SMPD3: variants seen among roughly 807,000 people sequenced by gnomAD.
SMPD3 encodes the protein nSMase-2.
Under a neutral mutation model 55.7 loss-of-function variants are expected in SMPD3, and 21 were observed. That is an observed-to-expected ratio of 0.38 (90% CI 0.27 to 0.54). SMPD3 has a LOEUF of 0.54. Ranked by LOEUF, SMPD3 falls within the 20% of genes least tolerant of loss-of-function variation. The pLI is 0.80. For missense variants in SMPD3, 842 were observed against 899.6 expected (o/e 0.94, Z 0.82); for synonymous variants, 457 against 404.3 (o/e 1.13, Z -1.56).
Position 68,378,329 on chromosome 16 carries a change from G to A in SMPD3, c.-206-5942C>T, listed in dbSNP as rs542334720. Among the ~76,000 whole-genome samples the A allele has an allele frequency of 1.4e-4, 22 of 152,312 alleles. No individual in the cohort carries two copies. In the South Asian group the frequency reaches 1.9e-3, roughly 13 times the overall value. On this transcript the variant is annotated intron_variant, in intron 2 of 8. Transcript: ENST00000219334. Reference sequence around the variant, plus strand: ...GAGCTGCTGAAACTTAAGTCAACTCGTGGCTGGGAGGACAGAAAGACAGAA... The same window carrying A: ...GAGCTGCTGAAACTTAAGTCAACTCATGGCTGGGAGGACAGAAAGACAGAA...
intron 2 of SMPD3, among the ~76,000 whole-genome samples, chr16:68,374,847 T>C (rs1000879869): frequency 3.3e-5 from 5 of 152,094 alleles, no homozygotes; most frequent in Admixed American, 6.6e-5. Context: ...GTGGACCAGC[T>C]GGGGCCAGAG....
intron 7 of SMPD3, among the ~76,000 whole-genome samples, chr16:68,362,187 T>C (rs967979796): frequency 4.6e-5 from 7 of 152,184 alleles, no homozygotes; most frequent in Non-Finnish European, 8.8e-5. Flanking sequence ...GGAGAGCACC[T>C]CTGAGGAGTC....
intron 7 of SMPD3, among the ~76,000 whole-genome samples, chr16:68,362,254 A>G (rs1279280875): frequency 1.3e-5 from 2 of 152,180 alleles, no homozygotes; most frequent in Admixed American, 1.3e-4. Context: ...CCAAGCCTCC[A>G]AGCCTCTGTT....
At chr16:68,392,128 G>A (rs2090116756) in intron 1 of SMPD3, among the ~76,000 whole-genome samples, 1 of 152,176 alleles carries the variant, frequency 6.6e-6, no homozygotes, top group African/African-American at 2.4e-5. Context: ...CTGACCTCAG[G>A]TGATCTGCCC....
chr16:68,398,258 T>A (rs1024718511), intron 1 of SMPD3, among the ~76,000 whole-genome samples: 2 of 152,268 alleles, frequency 1.3e-5, no homozygotes, highest in East Asian at 1.9e-4. Context: ...AGGGAGGAAG[T>A]TCACAGAAAA....
intron 2 of SMPD3, among the ~76,000 whole-genome samples, chr16:68,384,817 A>G (rs2090023152): frequency 6.6e-6 from 1 of 152,076 alleles, no homozygotes; most frequent in Non-Finnish European, 1.5e-5. Context: ...TAGGAAGGTA[A>G]TAGGAACCCC....
intron 1 of SMPD3, among the ~76,000 whole-genome samples, chr16:68,418,281 T>C (rs2090355365): frequency 6.6e-6 from 1 of 150,970 alleles, no homozygotes; most frequent in African/African-American, 2.4e-5. Flanking sequence ...GGTAGATACA[T>C]GACTCAAATA....
At chr16:68,412,675 G>T (rs2090311054) in intron 1 of SMPD3, among the ~76,000 whole-genome samples, 3 of 152,028 alleles carry the variant, frequency 2.0e-5, no homozygotes, top group African/African-American at 7.3e-5. Context: ...TCTTGAATGT[G>T]CGAGATCATC....
chr16:68,362,195 G>A (rs1450416407), intron 7 of SMPD3, among the ~76,000 whole-genome samples: 2 of 152,194 alleles, frequency 1.3e-5, no homozygotes, highest in East Asian at 3.9e-4. Context: ...CCTCTGAGGA[G>A]TCTCAAATGG....
chr16:68,405,239 C>T (rs2090243910), intron 1 of SMPD3, among the ~76,000 whole-genome samples: 1 of 152,034 alleles, frequency 6.6e-6, no homozygotes, highest in South Asian at 2.1e-4. Context: ...TGCCAGATTC[C>T]TTGGCAGGTT....
chr16:68,394,136 T>C (rs1370583627), intron 1 of SMPD3, among the ~76,000 whole-genome samples: 2 of 152,210 alleles, frequency 1.3e-5, no homozygotes, highest in African/African-American at 2.4e-5. Context: ...AGCTGTTTTT[T>C]CATTTCTGGA....
intron 6 of SMPD3, 77 bp from the exon 7 acceptor site, chr16:68,363,636 G>A: frequency 6.8e-7 from 1 of 1,474,000 alleles, no homozygotes; most frequent in East Asian, 2.3e-5. Context: ...CTCTGTGGGT[G>A]GACACGGGCT....
intron 1 of SMPD3, among the ~76,000 whole-genome samples, chr16:68,440,096 A>C (rs2090554358): frequency 6.6e-6 from 1 of 152,206 alleles, no homozygotes. Flanking sequence ...AATCAGGTGA[A>C]ACTGTCCTTT....
At chr16:68,365,177 T>G in intron 3 of SMPD3, 85 bp from the exon 4 acceptor site, 1 of 1,389,038 alleles carries the variant, frequency 7.2e-7, no homozygotes, top group Non-Finnish European at 1.0e-6. Flanking sequence ...CACCCACCCA[T>G]GAGGTCAGAC....
chr16:68,418,416 C>G (rs1172030005), intron 1 of SMPD3, among the ~76,000 whole-genome samples: 4 of 150,706 alleles, frequency 2.7e-5, no homozygotes, highest in Non-Finnish European at 5.9e-5. Context: ...AGTAATTTAA[C>G]CAAGACGATG....
At chr16:68,395,493 C>T (rs1241066924) in intron 1 of SMPD3, among the ~76,000 whole-genome samples, 4 of 152,214 alleles carry the variant, frequency 2.6e-5, no homozygotes, top group African/African-American at 9.6e-5. Context: ...GGGTTTAAAG[C>T]GTGCCCTCTG....
rs1044119242 is a variant in SMPD3, at chr16:68,363,862, G to A, written c.1560C>T (p.Asp520=). ...DFNFDNCSSD[D]KLEQQHSLFT... ...ACAGGGAGTGTTGCTGCTCCAGCTT[G>A]TCGTCTGTGCGGGGAGGGAGGAAAC... Residue 520 remains aspartate (D), a synonymous_variant, in exon 6 of 9, where the codon GAC becomes GAT. Coordinates refer to ENST00000219334, the MANE Select transcript of SMPD3 (RefSeq NM_018667.4). 1.9e-6 allele frequency: 3 copies of A among 1,561,532 alleles called. No individual in the cohort carries two copies. The highest frequency in any genetic ancestry group is 3.8e-5 in the Admixed American group (2 of 52,266).
intron 1 of SMPD3, among the ~76,000 whole-genome samples, chr16:68,403,788 G>T (rs943331498): frequency 6.6e-6 from 1 of 152,182 alleles, no homozygotes; most frequent in Non-Finnish European, 1.5e-5. Flanking sequence ...GGCCTCATGC[G>T]TTGAAGAATA....
chr16:68,421,186 C>A (rs1314081028), intron 1 of SMPD3, among the ~76,000 whole-genome samples: 1 of 152,148 alleles, frequency 6.6e-6, no homozygotes, highest in Non-Finnish European at 1.5e-5. Context: ...ACACAGGGGC[C>A]CCTGGAGTCA....
Sources: gnomAD v4.1 joint callset for allele counts (sites outside exome capture counted in the v4.1 genomes callset) on GRCh38, gnomAD v4.1.1 for gene constraint, MANE v1.5 for transcripts, NCBI Gene and HGNC (gene_info 2026-07-23, HGNC 2026-07-21) for gene names.